Variants in TLE1 observed in about 807,000 individuals in gnomAD.
TLE1 encodes the protein TLE family member 1, transcriptional corepressor.
A neutral mutation model predicts 89.8 loss-of-function variants in TLE1; 21 were observed. That is an observed-to-expected ratio of 0.23 (90% confidence interval 0.17 to 0.34). The LOEUF (loss-of-function observed/expected upper bound fraction) is 0.34. Among genes scored for constraint, TLE1 ranks in the 10% least tolerant of loss-of-function variants. The pLI is 1.00. For synonymous variants in TLE1, 447 were observed against 407.6 expected (o/e 1.10, Z -1.16); for missense variants, 795 against 1,031.2 (o/e 0.77, Z 3.14).
At chr9:81,675,390 T>C (rs1201922956) in intron 4 of TLE1, among the ~76,000 whole-genome samples, 2 of 152,186 alleles carry the variant, frequency 1.3e-5, no homozygotes, top group African/African-American at 2.4e-5. Flanking sequence ...TCAAGTTTAA[T>C]GCCTTGAGAG....
At chr9:81,623,028 T>G (rs2132215235) in intron 8 of TLE1, among the ~76,000 whole-genome samples, 1 of 152,346 alleles carries the variant, frequency 6.6e-6, no homozygotes, top group East Asian at 1.9e-4. Flanking sequence ...CTGACGCTGC[T>G]TTCATTGTTG....
chr9:81,616,152 A>T lies in TLE1; in HGVS notation c.766-18T>A, dbSNP rs1824481913. The T allele has an allele frequency of 6.3e-7, 1 of 1,587,398 alleles. No individual in the cohort carries two copies. The highest frequency in any genetic ancestry group is 1.4e-5 in the African/African-American group (1 of 73,090). ...GAAGGGTCCTCAACAAGCATAATCA[A>T]AAGTTTTCGTGATTTAGCTTGTAAC... is the stretch of plus-strand genomic sequence containing the variant. On this transcript the variant is annotated intron_variant, in intron 10 of 19. Coordinates refer to ENST00000376499, the MANE Select transcript of TLE1 (RefSeq NM_005077.5).
At chr9:81,681,433 C>A (rs1833611239) in intron 4 of TLE1, among the ~76,000 whole-genome samples, 1 of 151,894 alleles carries the variant, frequency 6.6e-6, no homozygotes, top group African/African-American at 2.4e-5. Context: ...TCCTGTAATC[C>A]CAACTACTGA....
intron 8 of TLE1, among the ~76,000 whole-genome samples, chr9:81,623,908 C>T (rs556463560): frequency 7.2e-5 from 11 of 152,174 alleles, no homozygotes; most frequent in African/African-American, 2.2e-4. Context: ...TGAGACATTT[C>T]GTTCCTCTTC....
chr9:81,585,724 A>G (rs976827297), intron 17 of TLE1, 69 bp from the exon 18 acceptor site: 19 of 1,560,730 alleles, frequency 1.2e-5, no homozygotes, highest in Admixed American at 3.6e-5. Context: ...ACGCAATGTG[A>G]AAAGTGGGGA....
intron 4 of TLE1, among the ~76,000 whole-genome samples, chr9:81,679,517 G>GA (rs1833338499): frequency 6.6e-6 from 1 of 151,938 alleles, no homozygotes; most frequent in African/African-American, 2.4e-5. Flanking sequence ...AAAAAAATCA[G>GA]AAAACCTCTC....
At chr9:81,642,029 AAAAG>A (rs146854497) in intron 6 of TLE1, among the ~76,000 whole-genome samples, 16 of 152,074 alleles carry the variant, frequency 1.1e-4, no homozygotes, top group African/African-American at 2.2e-4. Context: ...TCTCCAAAAA[AAAAG>A]AAAGAAAGAA....
chr9:81,593,418 T>G (rs1385709869), intron 14 of TLE1, 144 bp from the exon 15 acceptor site: 1 of 1,186,730 alleles, frequency 8.4e-7, no homozygotes, highest in Admixed American at 3.0e-5. Context: ...CAATACAAAT[T>G]GAAGCATTTA....
chr9:81,602,950 G>T (rs1380945220), intron 14 of TLE1, among the ~76,000 whole-genome samples: 2 of 152,144 alleles, frequency 1.3e-5, no homozygotes, highest in African/African-American at 4.8e-5. Context: ...GGCTGGAATG[G>T]GTATGAGAGA....
At chr9:81,646,913 A>G (rs945390090) in intron 6 of TLE1, among the ~76,000 whole-genome samples, 3 of 152,236 alleles carry the variant, frequency 2.0e-5, no homozygotes, top group Non-Finnish European at 2.9e-5. Flanking sequence ...TCTGACCAAT[A>G]AACAGATTCC....
intron 4 of TLE1, among the ~76,000 whole-genome samples, chr9:81,672,937 C>A (rs1422281897): frequency 6.6e-6 from 1 of 152,154 alleles, no homozygotes; most frequent in Non-Finnish European, 1.5e-5. Flanking sequence ...AGGACACATT[C>A]TGCTGTTTGG....
intron 4 of TLE1, among the ~76,000 whole-genome samples, chr9:81,660,658 C>T (rs969775087): frequency 4.0e-5 from 6 of 150,974 alleles, no homozygotes; most frequent in African/African-American, 9.7e-5. Flanking sequence ...CCTCGTGATT[C>T]GCCGGTCTCA....
intron 14 of TLE1, among the ~76,000 whole-genome samples, chr9:81,601,049 C>T (rs1830855262): frequency 6.6e-6 from 1 of 152,190 alleles, no homozygotes; most frequent in Non-Finnish European, 1.5e-5. Context: ...CCAAATAACT[C>T]CTTCTCCATA....
intron 6 of TLE1, among the ~76,000 whole-genome samples, chr9:81,642,415 G>A (rs1012066989): frequency 2.0e-5 from 3 of 151,976 alleles, no homozygotes; most frequent in South Asian, 2.1e-4. Context: ...TCCGAGGTCC[G>A]GGCACAGTGG....
chr9:81,620,415 T>C, intron 9 of TLE1, 26 bp downstream of exon 9: 1 of 1,560,064 alleles, frequency 6.4e-7, no homozygotes, highest in Non-Finnish European at 8.8e-7. Context: ...CAAACAAATA[T>C]TATTTCAAGT....
chr9:81,665,176 A>G (rs1831308806), intron 4 of TLE1, among the ~76,000 whole-genome samples: 1 of 152,150 alleles, frequency 6.6e-6, no homozygotes, highest in Non-Finnish European at 1.5e-5. Flanking sequence ...AAGAACACAA[A>G]CCGGGGGTGT....
chr9:81,683,929 C>T (rs1296272625), intron 4 of TLE1, among the ~76,000 whole-genome samples: 1 of 152,114 alleles, frequency 6.6e-6, no homozygotes, highest in Non-Finnish European at 1.5e-5. Flanking sequence ...GTCATCCCGC[C>T]ACATAACCTA....
chr9:81,625,899 CTCAGAAACTACTAAAAAAAAAAAAAAA>C (rs1001874085), intron 8 of TLE1, among the ~76,000 whole-genome samples: 1 of 99,876 alleles, frequency 1.0e-5, no homozygotes, highest in African/African-American at 5.5e-5. Flanking sequence ...GGAAAGTAAC[CTCAGAAACTACTAAAAAAAAAAAAAAA>C]AAAAAAAGCA....
rs1240544337 is a variant in TLE1 at position 81,677,525 on chromosome 9, A to C, written c.234+8151T>G. ...GCTTGCAGTGAGCTGAGATCATGCC[A>C]CTGCACCCCAGCCTGGGTAACAGAG... On this transcript the variant is annotated intron_variant, in intron 4 of 19. Coordinates refer to ENST00000376499, the MANE Select transcript of TLE1 (RefSeq NM_005077.5). Among the ~76,000 whole-genome samples, 6 of 145,916 alleles carry C rather than the reference A, an allele frequency of 4.1e-5. No homozygotes were observed. In the East Asian group the frequency reaches 1.1e-3, roughly 26 times the overall value.
Sources: allele counts gnomAD v4.1 joint callset (sites outside exome capture counted in the v4.1 genomes callset), GRCh38; gene constraint gnomAD v4.1.1; transcripts MANE v1.5; gene names NCBI Gene and HGNC (gene_info 2026-07-23, HGNC 2026-07-21).